EGFR: variants seen among roughly 807,000 people sequenced by gnomAD.
The protein encoded by EGFR is avian erythroblastic leukemia viral (v-erb-b) oncogene homolog.
A neutral mutation model predicts 143.0 loss-of-function variants in EGFR; 58 were observed. The observed-to-expected ratio is 0.41, with a 90% CI of 0.33 to 0.50. EGFR has a LOEUF of 0.50. Among genes scored for constraint, EGFR ranks in the 20% least tolerant of loss-of-function variants. The pLI is 0.39. For synonymous variants in EGFR, 613 were observed against 594.4 expected (o/e 1.03, Z -0.45); for missense variants, 1,307 against 1,579.0 (o/e 0.83, Z 2.92).
chr7:55,082,453 T>A (rs1410388234), intron 1 of EGFR, among the ~76,000 whole-genome samples: 1 of 152,122 alleles, frequency 6.6e-6, no homozygotes, highest in African/African-American at 2.4e-5. Context: ...GCAATAGTTG[T>A]ATTTAAACTC....
At chr7:55,072,155 G>A (rs944626896) in intron 1 of EGFR, among the ~76,000 whole-genome samples, 2 of 150,850 alleles carry the variant, frequency 1.3e-5, no homozygotes, top group South Asian at 2.1e-4. Context: ...AAATGCACAC[G>A]TTTTATCAAG....
At chr7:55,031,145 G>C (rs1787219492) in intron 1 of EGFR, among the ~76,000 whole-genome samples, 1 of 152,182 alleles carries the variant, frequency 6.6e-6, no homozygotes. Flanking sequence ...CTGAGCAATG[G>C]ATCTCCAGTT....
intron 1 of EGFR, among the ~76,000 whole-genome samples, chr7:55,116,867 T>C (rs759199630): frequency 2.6e-5 from 4 of 152,252 alleles, no homozygotes; most frequent in Admixed American, 6.5e-5. Context: ...AGTTCCATCA[T>C]AGGAGAATAC....
chr7:55,053,466 G>A (rs990764644), intron 1 of EGFR, among the ~76,000 whole-genome samples: 2 of 152,240 alleles, frequency 1.3e-5, no homozygotes, highest in African/African-American at 4.8e-5. Context: ...TGACCTTGGT[G>A]TCTCTGGGCC....
At chr7:55,159,876 A>C (rs1053123868) in intron 11 of EGFR, among the ~76,000 whole-genome samples, 2 of 152,204 alleles carry the variant, frequency 1.3e-5, no homozygotes, top group African/African-American at 2.4e-5. Context: ...AGAAAATATA[A>C]TGACATTAAG....
At chr7:55,123,293 T>C (rs1279903709) in intron 1 of EGFR, among the ~76,000 whole-genome samples, 1 of 152,222 alleles carries the variant, frequency 6.6e-6, no homozygotes, top group African/African-American at 2.4e-5. Context: ...CAAAGCCAGG[T>C]GATTAAAGAG....
intron 14 of EGFR, among the ~76,000 whole-genome samples, chr7:55,164,318 C>T (rs1165825583): frequency 6.6e-6 from 1 of 152,154 alleles, no homozygotes; most frequent in Non-Finnish European, 1.5e-5. Context: ...ATTCGGGCCC[C>T]TCTCACACCA....
rs1340770188 is a variant in EGFR, at chr7:55,205,713, T to G, written c.*96T>G. ...TCCATCCCAACAGCCATGCCCGCAT[T>G]AGCTCTTAGACCCACAGACTGGTTT... is the stretch of plus-strand genomic sequence containing the variant. On this transcript the variant is annotated 3_prime_UTR_variant, in exon 28 of 28. Coordinates refer to ENST00000275493, the MANE Select transcript of EGFR (RefSeq NM_005228.5). 8 of 1,597,022 alleles carry G rather than the reference T, an allele frequency of 5.0e-6. No homozygotes were observed. The highest frequency in any genetic ancestry group is 6.8e-6 in the Non-Finnish European group (8 of 1,168,146).
rs2128971504 is a variant in EGFR, at chr7:55,201,210, C to G, written c.2969C>G (p.Pro990Arg). The change falls in exon 25 of 28, where the codon CCA becomes CGA. Residue 990 changes from proline to arginine, a missense_variant. Around this residue, in one of 7 missense-constraint regions of EGFR, gnomAD observed 313 missense variants for 312.3 expected, o/e 1.00. Coordinates refer to ENST00000275493, the MANE Select transcript of EGFR (RefSeq NM_005228.5). ...CAGGGGGATGAAAGAATGCATTTGC[C>G]AAGTCCTACAGACTCCAACTTCTAC... ...VIQGDERMHL[P>R]SPTDSNFYRA... 1 of 1,614,150 alleles carries G rather than the reference C, an allele frequency of 6.2e-7. No individual in the cohort carries two copies. Among genetic ancestry groups the G allele is most frequent in the Non-Finnish European group, 8.5e-7 (1 of 1,180,040 alleles).
chr7:55,181,379 G>A lies in EGFR; in HGVS notation c.2370G>A (p.Thr790=), dbSNP rs376452156. 49 of 1,614,070 alleles carry A rather than the reference G, an allele frequency of 3.0e-5. No individual in the cohort carries two copies. Among genetic ancestry groups the A allele is most frequent in the East Asian group, 1.1e-4 (5 of 44,882 alleles). The part of the protein sequence containing the change: ...ICLTSTVQLI[T]QLMPFGCLLD... ...TCACCTCCACCGTGCAGCTCATCAC[G>A]CAGCTCATGCCCTTCGGCTGCCTCC... is the stretch of plus-strand genomic sequence containing the variant. Residue 790 remains threonine, a synonymous_variant, in exon 20 of 28, where the codon ACG becomes ACA. Transcript: ENST00000275493.
intron 8 of EGFR, 78 bp downstream of exon 8, chr7:55,156,024 C>T (rs986530508): frequency 6.4e-6 from 6 of 942,002 alleles, no homozygotes; most frequent in Non-Finnish European, 1.0e-5. Flanking sequence ...TCCAAAGGAA[C>T]ACATCTTCCT....
intron 1 of EGFR, among the ~76,000 whole-genome samples, chr7:55,095,763 C>T (rs1355858057): frequency 2.7e-5 from 4 of 150,460 alleles, no homozygotes; most frequent in Non-Finnish European, 5.9e-5. Context: ...CAGATGGGCA[C>T]ACACAGAGAC....
intron 1 of EGFR, among the ~76,000 whole-genome samples, chr7:55,092,788 G>C (rs1325749035): frequency 1.3e-5 from 2 of 152,376 alleles, no homozygotes; most frequent in African/African-American, 4.8e-5. Flanking sequence ...CTCCTGGCAG[G>C]GCCAGCGGGC....
chr7:55,101,594 C>G lies in EGFR; in HGVS notation c.89-40692C>G, dbSNP rs150165751. Reference sequence around the variant, plus strand: ...TTGCCGCACATGCTGCGTCCGGGCACAGCATTGGCTGAGGCTGCTGCCCTG... The same window carrying G: ...TTGCCGCACATGCTGCGTCCGGGCAGAGCATTGGCTGAGGCTGCTGCCCTG... On this transcript the variant is annotated intron_variant, in intron 1 of 27. Transcript: ENST00000275493. 2.6e-5 allele frequency among the ~76,000 whole-genome samples: 4 copies of G among 152,310 alleles called. No individual in the cohort carries two copies. In the East Asian group the frequency reaches 7.7e-4, roughly 29 times the overall value.
chr7:55,161,934 G>A (rs1377296146), intron 13 of EGFR, among the ~76,000 whole-genome samples: 1 of 152,194 alleles, frequency 6.6e-6, no homozygotes, highest in Admixed American at 6.5e-5. Context: ...TAAGACAAAT[G>A]AGACAGTCAT....
chr7:55,079,049 G>A (rs1045045042), intron 1 of EGFR, among the ~76,000 whole-genome samples: 5 of 152,250 alleles, frequency 3.3e-5, no homozygotes, highest in Non-Finnish European at 7.3e-5. Context: ...TTCCTCTCCC[G>A]TGGGCCGGGC....
At chr7:55,149,448 T>A (rs1411185172) in intron 4 of EGFR, among the ~76,000 whole-genome samples, 1 of 152,160 alleles carries the variant, frequency 6.6e-6, no homozygotes, top group African/African-American at 2.4e-5. Flanking sequence ...ATGTAATAAG[T>A]AGGTCAAAAT....
chr7:55,205,035 G>A (rs1788054713), intron 27 of EGFR, among the ~76,000 whole-genome samples: 1 of 152,042 alleles, frequency 6.6e-6, no homozygotes. Flanking sequence ...TTTATCCTCT[G>A]AGAACTTTAA....
intron 1 of EGFR, among the ~76,000 whole-genome samples, chr7:55,064,783 C>T (rs1242063362): frequency 6.6e-6 from 1 of 152,038 alleles, no homozygotes; most frequent in Non-Finnish European, 1.5e-5. Context: ...TTAGAAATTG[C>T]CATTTCAAAG....
Sources: allele counts gnomAD v4.1 joint callset (sites outside exome capture counted in the v4.1 genomes callset), GRCh38; gene constraint gnomAD v4.1.1; regional missense constraint gnomAD v4.1.1; transcripts MANE v1.5; gene names NCBI Gene and HGNC (gene_info 2026-07-23, HGNC 2026-07-21).